Variants in EYS observed in about 807,000 individuals in gnomAD.
EYS encodes EGF-like photoreceptor maintenance factor, also known as protein eyes shut homolog.
In EYS, 250 loss-of-function variants were observed where a neutral mutation model predicts 282.1. That is an observed-to-expected ratio of 0.89 (90% CI 0.80 to 0.98). EYS has a LOEUF of 0.98. Ranked by LOEUF, EYS falls within the 50% of genes least tolerant of loss-of-function variation. The probability of loss-of-function intolerance (pLI) is 0.00; values close to 1 mark genes in which losing one functional copy is unlikely to be tolerated. For missense variants in EYS, 4,016 were observed against 3,709.0 expected, an observed-to-expected ratio of 1.08 and a Z score of -2.15; for synonymous variants, 1,355 against 1,282.9, an observed-to-expected ratio of 1.06 and a Z score of -1.20.
At chr6:65,042,589 C>T (rs902095406) in intron 13 of EYS, among the ~76,000 whole-genome samples, 1 of 151,216 alleles carries the variant, frequency 6.6e-6, no homozygotes, top group African/African-American at 2.4e-5. Context: ...AATTTTACAC[C>T]AGTATGGTTC....
chr6:65,557,732 C>T (rs1483317835), intron 2 of EYS, among the ~76,000 whole-genome samples: 2 of 152,116 alleles, frequency 1.3e-5, no homozygotes, highest in Non-Finnish European at 2.9e-5. Context: ...TTTCCTGAAT[C>T]CAAGAAGGAT....
intron 35 of EYS, among the ~76,000 whole-genome samples, chr6:63,882,083 C>T (rs2149719373): frequency 6.6e-6 from 1 of 152,280 alleles, no homozygotes; most frequent in African/African-American, 2.4e-5. Context: ...TACTTTCAAC[C>T]TCTAATATCT....
intron 8 of EYS, among the ~76,000 whole-genome samples, chr6:65,355,176 C>T (rs1764432072): frequency 6.6e-6 from 1 of 152,016 alleles, no homozygotes; most frequent in Non-Finnish European, 1.5e-5. Flanking sequence ...TCACTTAAAA[C>T]TTAACAAAAC....
Position 64,667,513 on chromosome 6 carries a change from C to CT in EYS, c.3444-41269dup, listed in dbSNP as rs35451751. On this transcript the variant is annotated intron_variant, in intron 22 of 42. Coordinates refer to ENST00000503581, the MANE Select transcript of EYS (RefSeq NM_001142800.2). Reference sequence around the variant, plus strand: ...TAAAAGATCATTTGGGAACTTATGACTTTTTTTTTTGCTATTTCCTTATAT... The same window carrying CT: ...TAAAAGATCATTTGGGAACTTATGACTTTTTTTTTTTGCTATTTCCTTATAT... Among the ~76,000 whole-genome samples, 782 of 147,928 alleles carry CT rather than the reference C, an allele frequency of 5.3e-3. 5 individuals are homozygous for CT. Among genetic ancestry groups the CT allele is most frequent in the African/African-American group, 0.017 (673 of 40,462 alleles).
intron 41 of EYS, among the ~76,000 whole-genome samples, chr6:63,748,118 T>G (rs1769254314): frequency 6.6e-6 from 1 of 152,190 alleles, no homozygotes; most frequent in Admixed American, 6.5e-5. Flanking sequence ...AGTGCTTCCT[T>G]CAGGAGCTTT....
chr6:65,327,138 A>T (rs2150308898), intron 11 of EYS, among the ~76,000 whole-genome samples: 1 of 151,792 alleles, frequency 6.6e-6, no homozygotes, highest in Admixed American at 6.6e-5. Flanking sequence ...CTAAATAAAA[A>T]CTACTTTTTA....
chr6:65,566,918 A>G (rs1398146829), intron 2 of EYS, among the ~76,000 whole-genome samples: 5 of 152,286 alleles, frequency 3.3e-5, no homozygotes, highest in Admixed American at 6.5e-5. Flanking sequence ...CCACAGAAAC[A>G]TAGGTTAAAT....
intron 14 of EYS, among the ~76,000 whole-genome samples, chr6:64,978,471 G>C (rs1241433304): frequency 6.6e-6 from 1 of 151,884 alleles, no homozygotes; most frequent in Non-Finnish European, 1.5e-5. Context: ...GAATTCTGAT[G>C]GGAGATGTAC....
At chr6:65,124,217 T>C (rs891964247) in intron 12 of EYS, among the ~76,000 whole-genome samples, 1 of 151,982 alleles carries the variant, frequency 6.6e-6, no homozygotes, top group African/African-American at 2.4e-5. Flanking sequence ...AAAAAAACAT[T>C]GAAAGCAAAA....
chr6:65,049,820 T>C (rs1773212312), intron 13 of EYS, among the ~76,000 whole-genome samples: 1 of 151,782 alleles, frequency 6.6e-6, no homozygotes, highest in Admixed American at 6.6e-5. Context: ...AACATTTCTC[T>C]AAGTTTACCA....
chr6:63,763,853 TTTA>T (rs1444448863), intron 40 of EYS, among the ~76,000 whole-genome samples: 2 of 141,030 alleles, frequency 1.4e-5, no homozygotes, highest in African/African-American at 2.7e-5. Context: ...TATTTGAGAT[TTTA>T]TTGTTATATC....
At chr6:63,890,579 G>T (rs867452026) in intron 35 of EYS, among the ~76,000 whole-genome samples, 14 of 152,112 alleles carry the variant, frequency 9.2e-5, no homozygotes, top group African/African-American at 3.1e-4. Context: ...CAGAATCTCT[G>T]GGACACAGCT....
At chr6:64,863,155 C>A (rs752579165) in intron 19 of EYS, among the ~76,000 whole-genome samples, 1 of 152,096 alleles carries the variant, frequency 6.6e-6, no homozygotes, top group South Asian at 2.1e-4. Context: ...TCTCTGTCTG[C>A]TTTAATTTGA....
At chr6:63,845,523 G>A (rs553721816) in intron 36 of EYS, among the ~76,000 whole-genome samples, 82 of 150,730 alleles carry the variant, frequency 5.4e-4, no homozygotes, top group African/African-American at 1.9e-3. Context: ...AGAATGGAGG[G>A]TGAAAAAAAA....
chr6:65,407,198 C>G (rs746387414), intron 5 of EYS, among the ~76,000 whole-genome samples: 3 of 152,044 alleles, frequency 2.0e-5, no homozygotes, highest in Non-Finnish European at 4.4e-5. Context: ...CATATCTAAG[C>G]ATTTTGAAGG....
At chr6:65,191,832 C>T (rs576626314) in intron 12 of EYS, among the ~76,000 whole-genome samples, 1 of 151,942 alleles carries the variant, frequency 6.6e-6, no homozygotes, top group East Asian at 2.0e-4. Flanking sequence ...AAGGTTCTGA[C>T]CCTGTGAAAA....
At chr6:65,092,329 T>C (rs1442430692) in intron 12 of EYS, among the ~76,000 whole-genome samples, 1 of 152,172 alleles carries the variant, frequency 6.6e-6, no homozygotes, top group East Asian at 1.9e-4. Flanking sequence ...AAAGTTAGAA[T>C]TGTCTTGCTT....
chr6:64,242,755 T>A (rs1295984284), intron 30 of EYS, among the ~76,000 whole-genome samples: 1 of 150,786 alleles, frequency 6.6e-6, no homozygotes, highest in African/African-American at 2.4e-5. Flanking sequence ...TATGCTGAGG[T>A]TCCTCTGAGA....
intron 22 of EYS, among the ~76,000 whole-genome samples, chr6:64,758,577 G>C (rs944372919): frequency 1.1e-4 from 16 of 152,070 alleles, no homozygotes; most frequent in African/African-American, 3.9e-4. Flanking sequence ...AAATCCACCA[G>C]TGGAATTACT....
Sources: allele counts gnomAD v4.1 joint callset (sites outside exome capture counted in the v4.1 genomes callset), GRCh38; gene constraint gnomAD v4.1.1; transcripts MANE v1.5; gene names NCBI Gene and HGNC (gene_info 2026-07-23, HGNC 2026-07-21).